The following LSS variants were observed in gnomAD, a reference collection of about 807,000 sequenced individuals.
LSS encodes 2,3-epoxysqualene-lanosterol cyclase.
LSS carries 90 observed loss-of-function variants against 110.3 expected under a neutral mutation model. That is an observed-to-expected ratio of 0.82 (90% CI 0.69 to 0.97). The LOEUF (loss-of-function observed/expected upper bound fraction) is 0.97, where lower values mean the gene tolerates loss of function less well. LSS is among the 50% of genes least tolerant of loss of function. LSS has a pLI of 0.00. For synonymous variants in LSS, 433 were observed against 400.0 expected (o/e 1.08, Z -0.98); for missense variants, 927 against 990.0 (o/e 0.94, Z 0.85).
chr21:46,190,943 T>C lies in LSS; in HGVS notation c.*161A>G. ...TCAAGAGTCTAAGCCACCCACCCTG[T>C]CCCCATCCCTGCCTCCAGCCTGGCC... On this transcript the variant is annotated 3_prime_UTR_variant, in exon 22 of 22. Transcript: ENST00000397728. This position sits in a 1 kb window ranked among gnomAD's most constrained non-coding sequence, Gnocchi z 4.6. 3.9e-6 allele frequency: 3 copies of C among 774,966 alleles called. No homozygotes were observed. The highest frequency in any genetic ancestry group is 4.1e-6 in the Non-Finnish European group (2 of 488,424). The allele number at this position is 774,966 out of a possible 1,614,324, so 48.0% of individuals were successfully genotyped here.
At chr21:46,195,868 G>T in intron 18 of LSS, 112 bp from the exon 19 acceptor site, 1 of 822,394 alleles carries the variant, frequency 1.2e-6, no homozygotes, top group Non-Finnish European at 2.0e-6. Context: ...ACCAACTCCA[G>T]TGCCTCAGGC....
chr21:46,191,139 G>A lies in LSS; in HGVS notation c.2164C>T (p.Leu722=). ...CCAGCAAGGGCTCTCTCAGGGTACA[G>A]CTGGGAGAAGCGGCCGAGGGCCCAG... The part of the protein sequence containing the change: ...PIWALGRFSQ[L]YPERALAGHP The change falls in exon 22 of 22, where the codon CTG becomes TTG. Residue 722 remains leucine, a synonymous_variant. Transcript: ENST00000397728. The A allele has an allele frequency of 6.2e-7, 1 of 1,614,206 alleles. No homozygotes were observed. The highest frequency in any genetic ancestry group is 8.5e-7 in the Non-Finnish European group (1 of 1,180,026).
intron 16 of LSS, among the ~76,000 whole-genome samples, chr21:46,206,276 C>T (rs1253860471): frequency 1.3e-5 from 2 of 152,208 alleles, no homozygotes; most frequent in Non-Finnish European, 2.9e-5. Flanking sequence ...CAACCATGCA[C>T]ACACAGCAGC....
chr21:46,196,520 C>A, intron 17 of LSS: 4 of 521,726 alleles, frequency 7.7e-6, no homozygotes, highest in Non-Finnish European at 1.0e-5. Flanking sequence ...CCTGCAGACA[C>A]AGCTGCAAAC....
intron 20 of LSS, chr21:46,192,512 A>G: frequency 2.2e-6 from 1 of 454,938 alleles, no homozygotes; most frequent in Non-Finnish European, 4.4e-6. Flanking sequence ...TTGCGGGTGC[A>G]TCTGTATGTA....
Position 46,190,823 on chromosome 21 carries a change from G to A in LSS, c.*281C>T. The A allele has an allele frequency of 2.2e-6, 1 of 447,628 alleles. No individual in the cohort carries two copies. Among genetic ancestry groups the A allele is most frequent in the East Asian group, 3.6e-5 (1 of 27,754 alleles). The allele number at this position is 447,628 out of a possible 1,614,324, so 27.7% of individuals were successfully genotyped here. ...CTTGAGGCCGTGCCCAGAGGTGGCA[G>A]AAGGCGCTGTGCCTCCTCAGGGGTC... On this transcript the variant is annotated 3_prime_UTR_variant, in exon 22 of 22. Transcript: ENST00000397728. The surrounding 1 kb of genome is among the most constrained non-coding windows in gnomAD (Gnocchi z 4.6).
chr21:46,189,491 C>A lies in LSS; in HGVS notation c.*1613G>T. 1 of 361,298 alleles carries A rather than the reference C, an allele frequency of 2.8e-6. No homozygotes were observed. The highest frequency in any genetic ancestry group is 5.5e-6 in the Non-Finnish European group (1 of 181,874). The allele number at this position is 361,298 out of a possible 1,614,324, so 22.4% of individuals were successfully genotyped here. On this transcript the variant is annotated 3_prime_UTR_variant, in exon 22 of 22. Coordinates refer to ENST00000397728, the MANE Select transcript of LSS (RefSeq NM_002340.6). ...GCAGCTGACCAAGCCCTGCAGGGCTCTGAGCAGGCAGGCGAGTCCCAAGGA... is the reference window on the plus strand; with the variant it reads ...GCAGCTGACCAAGCCCTGCAGGGCTATGAGCAGGCAGGCGAGTCCCAAGGA...
intron 2 of LSS, 140 bp downstream of exon 2, chr21:46,228,294 C>T: frequency 2.2e-6 from 2 of 907,128 alleles, no homozygotes; most frequent in Non-Finnish European, 3.2e-6. Context: ...GGCCCGCGAA[C>T]GCAGTTCCCG....
intron 3 of LSS, among the ~76,000 whole-genome samples, chr21:46,223,530 C>G (rs940169174): frequency 2.0e-5 from 3 of 152,120 alleles, no homozygotes; most frequent in Non-Finnish European, 4.4e-5. Context: ...ACCCAGGCGC[C>G]AAGGCAAGAG....
chr21:46,228,338 C>T, intron 2 of LSS, 96 bp downstream of exon 2: 1 of 1,410,192 alleles, frequency 7.1e-7, no homozygotes, highest in East Asian at 2.5e-5. Flanking sequence ...CGTCGCTGGC[C>T]GGGTCCTCCC....
At chr21:46,191,859 G>A (rs918186031) in intron 21 of LSS, 22 bp downstream of exon 21, 5 of 1,604,700 alleles carry the variant, frequency 3.1e-6, no homozygotes, top group African/African-American at 1.3e-5. Flanking sequence ...GGCCTTGTGC[G>A]CTCAGGTCCC....
At chr21:46,191,985 AC>A in intron 20 of LSS, 26 bp from the exon 21 acceptor site, 1 of 1,549,720 alleles carries the variant, frequency 6.5e-7, no homozygotes, top group Non-Finnish European at 8.9e-7. Flanking sequence ...GCTGAAACAC[AC>A]CCAGCATGCA....
chr21:46,219,295 C>A (rs1042441745), intron 6 of LSS, among the ~76,000 whole-genome samples, 181 bp downstream of exon 6: 6 of 152,196 alleles, frequency 3.9e-5, no homozygotes, highest in African/African-American at 1.4e-4. Flanking sequence ...GAACCTCCCC[C>A]TTTCTGTACC....
chr21:46,205,543 T>C (rs1000451658), intron 17 of LSS, among the ~76,000 whole-genome samples: 6 of 152,250 alleles, frequency 3.9e-5, no homozygotes, highest in African/African-American at 1.4e-4. Flanking sequence ...AAAGGTTACT[T>C]AAAAACCGTT....
chr21:46,217,257 A>C (rs1471108382), intron 6 of LSS, among the ~76,000 whole-genome samples: 2 of 67,308 alleles, frequency 3.0e-5, no homozygotes, highest in Non-Finnish European at 8.1e-5. Flanking sequence ...AAAAAAAAAA[A>C]GAAAAGAAAA....
chr21:46,219,721 G>C (rs954863481), intron 5 of LSS, 149 bp from the exon 6 acceptor site: 1 of 506,130 alleles, frequency 2.0e-6, no homozygotes, highest in Non-Finnish European at 3.5e-6. Context: ...CGACCCCCAT[G>C]TGCGAAGCAG....
chr21:46,188,456 C>T lies in LSS; in HGVS notation c.*2648G>A. On this transcript the variant is annotated 3_prime_UTR_variant, in exon 22 of 22. Coordinates refer to ENST00000397728, the MANE Select transcript of LSS (RefSeq NM_002340.6). The stretch of plus-strand genomic sequence containing the variant: ...ATCTGAATTCAAAAATCTTTCATGA[C>T]TGATTTTTAATCACACTGAGGCAAA... 1 of 279,156 alleles carries T rather than the reference C, an allele frequency of 3.6e-6. No homozygotes were observed. The highest frequency in any genetic ancestry group is 7.4e-6 in the Non-Finnish European group (1 of 134,646). 17.3% of individuals were successfully genotyped at this position (279,156 alleles called of 1,614,324 possible). A position where few individuals can be genotyped will look rare whatever the true frequency, so the allele number is the denominator to read the frequency against.
intron 10 of LSS, 35 bp downstream of exon 10, chr21:46,213,703 G>T: frequency 6.3e-7 from 1 of 1,578,412 alleles, no homozygotes; most frequent in East Asian, 2.3e-5. Flanking sequence ...CAGTCTTCGT[G>T]AGAGGCCCCG....
intron 20 of LSS, 68 bp from the exon 21 acceptor site, chr21:46,192,027 C>T (rs903871117): frequency 1.1e-5 from 13 of 1,205,666 alleles, no homozygotes; most frequent in African/African-American, 7.5e-5. Flanking sequence ...CACCCTCACA[C>T]AGCCGAGCAT....
Sources: gnomAD v4.1 joint callset for allele counts (sites outside exome capture counted in the v4.1 genomes callset) on GRCh38, gnomAD v4.1.1 for gene constraint, Gnocchi (gnomAD v3.1) non-coding constraint, MANE v1.5 for transcripts, NCBI Gene and HGNC (gene_info 2026-07-23, HGNC 2026-07-21) for gene names.